Variants in MYBPC2 observed in about 807,000 individuals in gnomAD.
MYBPC2 encodes the protein myosin-binding protein C, fast-type.
MYBPC2 carries 122 observed loss-of-function variants against 137.0 expected under a neutral mutation model. The ratio of observed to expected loss-of-function variants is 0.89; its 90% CI spans 0.77 to 1.03. The LOEUF (loss-of-function observed/expected upper bound fraction) is 1.03. Among genes scored for constraint, MYBPC2 ranks in the 50% least tolerant of loss-of-function variants. MYBPC2 has a pLI of 0.00. For synonymous variants in MYBPC2, 626 were observed against 612.3 expected, an observed-to-expected ratio of 1.02 and a Z score of -0.33; for missense variants, 1,500 against 1,534.4, an observed-to-expected ratio of 0.98 and a Z score of 0.37.
chr19:50,461,732 C>A, intron 25 of MYBPC2, 31 bp downstream of exon 25: 1 of 1,611,618 alleles, frequency 6.2e-7, no homozygotes, highest in Non-Finnish European at 8.5e-7. Context: ...AGCCCAGGCC[C>A]ACCCCGTCCA....
intron 8 of MYBPC2, 78 bp downstream of exon 8, chr19:50,441,154 T>A: frequency 2.1e-6 from 3 of 1,400,452 alleles, no homozygotes; most frequent in Non-Finnish European, 2.8e-6. Context: ...GATTGGACCC[T>A]GGACCTATCT....
chr19:50,436,797 C>A, intron 5 of MYBPC2, 63 bp downstream of exon 5: 1 of 1,496,486 alleles, frequency 6.7e-7, no homozygotes, highest in Non-Finnish European at 9.3e-7. Flanking sequence ...ACAGATGTAC[C>A]AGCCAGGTGT....
At chr19:50,445,827 G>T in intron 11 of MYBPC2, 53 bp from the exon 12 acceptor site, 1 of 1,528,988 alleles carries the variant, frequency 6.5e-7, no homozygotes, top group Non-Finnish European at 8.8e-7. Flanking sequence ...CCAAGACCCA[G>T]ACCGAGAGCT....
chr19:50,454,677 C>T (rs1266803117), intron 18 of MYBPC2, among the ~76,000 whole-genome samples: 2 of 152,056 alleles, frequency 1.3e-5, no homozygotes, highest in Non-Finnish European at 2.9e-5. Flanking sequence ...CTGCCCACTT[C>T]AGACTCCCAA....
chr19:50,434,872 C>A (rs558671360), intron 1 of MYBPC2, among the ~76,000 whole-genome samples: 2 of 152,132 alleles, frequency 1.3e-5, no homozygotes, highest in East Asian at 1.9e-4. Context: ...AAGGTCAGGG[C>A]GTGGTGGCCT....
At position 50,451,296 on chromosome 19, in the gene MYBPC2, C is replaced by T. The variant is rs780750776; in HGVS notation, c.1596C>T (p.Tyr532=). The T allele has an allele frequency of 2.0e-5, 33 of 1,613,356 alleles. No individual in the cohort carries two copies. Among genetic ancestry groups the T allele is most frequent in the Middle Eastern group, 1.6e-4 (1 of 6,084 alleles). ...KLNFLEIKVE[Y]VPKQEPPKIH... ...GTCTTGCAGAAATCAAGGTGGAGTA[C>T]GTTCCCAAGCAAGGTGAGCACCACG... The change falls in exon 15 of 28, where the codon TAC becomes TAT. Residue 532 remains tyrosine, a synonymous_variant. Coordinates refer to ENST00000357701, the MANE Select transcript of MYBPC2 (RefSeq NM_004533.4).
chr19:50,455,667 G>C (rs369420248), intron 20 of MYBPC2, 23 bp downstream of exon 20: 1 of 1,611,576 alleles, frequency 6.2e-7, no homozygotes, highest in Non-Finnish European at 8.5e-7. Context: ...GGCAGGGCTG[G>C]TGGGGGTGGT....
rs2122615062 is a variant in MYBPC2, at chr19:50,459,159, G to C, written c.2644G>C (p.Asp882His). ...GTGGACCAAGGGCGGGGCCCCGCTGGACACCTCCCGCGTGCACGTGCGGAC... is the reference window on the plus strand; with the variant it reads ...GTGGACCAAGGGCGGGGCCCCGCTGCACACCTCCCGCGTGCACGTGCGGAC... ...VVWTKGGAPLDTSRVHVRTSD... is the reference protein window; with the variant it reads ...VVWTKGGAPLHTSRVHVRTSD... Residue 882 changes from aspartate (D) to histidine (H), a missense_variant, in exon 23 of 28, where the codon GAC becomes CAC. Physicochemically the swap from Asp to His is moderately conservative, Grantham distance 81. Transcript: ENST00000357701. 3 of 1,600,050 alleles carry C rather than the reference G, an allele frequency of 1.9e-6. No individual in the cohort carries two copies. The highest frequency in any genetic ancestry group is 2.7e-5 in the African/African-American group (2 of 74,790).
chr19:50,464,459 C>A lies in MYBPC2; in HGVS notation c.3342C>A (p.Asp1114Glu). The A allele has an allele frequency of 1.2e-6, 2 of 1,612,750 alleles. No individual in the cohort carries two copies. Among genetic ancestry groups the A allele is most frequent in the Non-Finnish European group, 1.7e-6 (2 of 1,179,564 alleles). ...TLNIRRPSPF[D>E]AGTYTCRAVN... ...ACATCCGTCGCCCCTCGCCCTTCGA[C>A]GCTGGGACTTACACCTGCCGGGCCG... is the stretch of plus-strand genomic sequence containing the variant. Residue 1114 changes from aspartate to glutamate, a missense_variant, in exon 27 of 28, where the codon GAC (aspartate) becomes GAA (glutamate). Transcript: ENST00000357701.
chr19:50,454,420 G>T (rs112268715), intron 18 of MYBPC2, 51 bp downstream of exon 18: 6,700 of 735,902 alleles, frequency 9.1e-3, no homozygotes, highest in Non-Finnish European at 0.011. Context: ...TCTGCCTTCT[G>T]TTTTTTTTTT....
chr19:50,442,558 T>C (rs2039765996), intron 9 of MYBPC2, among the ~76,000 whole-genome samples: 1 of 151,712 alleles, frequency 6.6e-6, no homozygotes, highest in African/African-American at 2.4e-5. Context: ...CTACTAAAAA[T>C]ACAAAAAATT....
chr19:50,449,347 C>T (rs535899383), intron 13 of MYBPC2, among the ~76,000 whole-genome samples: 3 of 152,196 alleles, frequency 2.0e-5, no homozygotes, highest in Non-Finnish European at 2.9e-5. Flanking sequence ...GACAGCTGGG[C>T]GCCCAGCACG....
chr19:50,462,117 G>T (rs1363296150), intron 26 of MYBPC2, 81 bp downstream of exon 26: 1 of 1,458,602 alleles, frequency 6.9e-7, no homozygotes, highest in East Asian at 2.5e-5. Flanking sequence ...TCCCCATCAC[G>T]CCAGTTCTTC....
At chr19:50,458,865 T>C (rs2039939699) in intron 21 of MYBPC2, 53 bp from the exon 22 acceptor site, 5 of 1,595,126 alleles carry the variant, frequency 3.1e-6, no homozygotes, top group South Asian at 2.3e-5. Context: ...CATTGGCCCC[T>C]GGAATGCGCC....
At chr19:50,463,041 C>T (rs1046169326) in intron 26 of MYBPC2, among the ~76,000 whole-genome samples, 1 of 152,218 alleles carries the variant, frequency 6.6e-6, no homozygotes, top group Non-Finnish European at 1.5e-5. Context: ...TTTCCAACTG[C>T]TCTTTGTGAA....
chr19:50,436,611 A>G lies in MYBPC2; in HGVS notation c.346-6A>G, dbSNP rs763679948. Reference sequence around the variant, plus strand: ...CGTGCACCCACACCCCCGGCCCTGGACCCAGGTGTACACCGTGGAGCTGCA... The same window carrying G: ...CGTGCACCCACACCCCCGGCCCTGGGCCCAGGTGTACACCGTGGAGCTGCA... On this transcript the variant is annotated splice_polypyrimidine_tract_variant and splice_region_variant and intron_variant, in intron 4 of 27. Coordinates refer to ENST00000357701, the MANE Select transcript of MYBPC2 (RefSeq NM_004533.4). 32 of 1,612,700 alleles carry G rather than the reference A, an allele frequency of 2.0e-5. No homozygotes were observed. The highest frequency in any genetic ancestry group is 1.6e-4 in the Middle Eastern group (1 of 6,070).
In MYBPC2 at chr19:50,455,500, A is replaced by C. The variant is rs773358791; in HGVS notation, c.2204-10A>C. 2 of 1,608,234 alleles carry C rather than the reference A, an allele frequency of 1.2e-6. No individual in the cohort carries two copies. Among genetic ancestry groups the C allele is most frequent in the South Asian group, 2.2e-5 (2 of 90,822 alleles). ...TTCCCCCCATATCCTCTTTTTCTGGATGCTTGCAGCACCCACGAGTGAACC... is the reference window on the plus strand; with the variant it reads ...TTCCCCCCATATCCTCTTTTTCTGGCTGCTTGCAGCACCCACGAGTGAACC... On this transcript the variant is annotated splice_polypyrimidine_tract_variant and intron_variant, in intron 19 of 27. Transcript: ENST00000357701.
rs1018886169 is a variant in MYBPC2, at chr19:50,446,195, T to A, written c.1306+143T>A. On this transcript the variant is annotated intron_variant, in intron 12 of 27. Transcript: ENST00000357701. Reference sequence around the variant, plus strand: ...CTATGTTCAGCCCACCAGGGAGATCTGATGGCTCCAGCTTCAAAGTAAATT... The same window carrying A: ...CTATGTTCAGCCCACCAGGGAGATCAGATGGCTCCAGCTTCAAAGTAAATT... 8 of 1,052,214 alleles carry A rather than the reference T, an allele frequency of 7.6e-6. No homozygotes were observed. The Admixed American group carries it at 2.3e-4, about 30-fold the overall frequency. The allele number at this position is 1,052,214 out of a possible 1,614,324, so 65.2% of individuals were successfully genotyped here.
chr19:50,449,632 A>G (rs2039838220), intron 13 of MYBPC2, among the ~76,000 whole-genome samples: 1 of 152,244 alleles, frequency 6.6e-6, no homozygotes, highest in East Asian at 1.9e-4. Flanking sequence ...GCCTCTGGCC[A>G]TATCAGCTAA....
Sources: allele counts gnomAD v4.1 joint callset (sites outside exome capture counted in the v4.1 genomes callset), GRCh38; gene constraint gnomAD v4.1.1; transcripts MANE v1.5; gene names NCBI Gene and HGNC (gene_info 2026-07-23, HGNC 2026-07-21).